STPG2: variants seen among roughly 807,000 people sequenced by gnomAD.
STPG2 encodes sperm-tail PG-rich repeat-containing protein 2.
STPG2 carries 56 observed loss-of-function variants against 54.2 expected under a neutral mutation model. The observed-to-expected ratio is 1.03, with a 90% CI of 0.83 to 1.29. The LOEUF (loss-of-function observed/expected upper bound fraction) is 1.29, where lower values mean the gene tolerates loss of function less well. Among genes scored for constraint, STPG2 ranks in the 50% most tolerant of loss-of-function variants. The pLI is 0.00. For missense variants in STPG2, 596 were observed against 544.9 expected, an observed-to-expected ratio of 1.09 and a Z score of -0.93; for synonymous variants, 200 against 181.8, an observed-to-expected ratio of 1.10 and a Z score of -0.81.
chr4:97,737,874 C>A (rs1458185025), intron 9 of STPG2, among the ~76,000 whole-genome samples: 5 of 152,170 alleles, frequency 3.3e-5, no homozygotes, highest in Admixed American at 6.5e-5. Context: ...CACAAAGATA[C>A]TCCTTGCAAA....
At chr4:97,541,294 G>A (rs374524994) in intron 4 of STPG2, among the ~76,000 whole-genome samples, 2 of 152,040 alleles carry the variant, frequency 1.3e-5, no homozygotes, top group Admixed American at 6.5e-5. Flanking sequence ...AAATCAATGT[G>A]CAAAAATCAC....
chr4:97,904,415 A>G (rs979377101), intron 8 of STPG2, among the ~76,000 whole-genome samples: 2 of 152,206 alleles, frequency 1.3e-5, no homozygotes, highest in African/African-American at 4.8e-5. Context: ...AAGGAAAACT[A>G]ACAAACAGAA....
At chr4:97,585,437 C>T (rs918745745) in intron 10 of STPG2, among the ~76,000 whole-genome samples, 2 of 151,882 alleles carry the variant, frequency 1.3e-5, no homozygotes, top group African/African-American at 4.8e-5. Flanking sequence ...AAAATCTAAC[C>T]ACAACAAGAA....
chr4:98,084,184 A>G (rs933375999), intron 5 of STPG2, among the ~76,000 whole-genome samples: 3 of 152,174 alleles, frequency 2.0e-5, no homozygotes, highest in African/African-American at 7.2e-5. Flanking sequence ...AGAATTTTAT[A>G]TGAATGAAAT....
intron 4 of STPG2, among the ~76,000 whole-genome samples, chr4:97,483,932 C>G (rs1730288358): frequency 6.6e-6 from 1 of 151,764 alleles, no homozygotes; most frequent in Non-Finnish European, 1.5e-5. Flanking sequence ...ACTTCAAAAC[C>G]ATGCAAATAC....
intron 5 of STPG2, among the ~76,000 whole-genome samples, chr4:98,090,650 A>G (rs1418808206): frequency 6.6e-6 from 1 of 152,022 alleles, no homozygotes; most frequent in African/African-American, 2.4e-5. Flanking sequence ...TTTGCGCAAC[A>G]TGGTTATTTT....
intron 7 of STPG2, among the ~76,000 whole-genome samples, chr4:97,952,832 T>C (rs1299481981): frequency 6.6e-6 from 1 of 152,062 alleles, no homozygotes; most frequent in East Asian, 1.9e-4. Flanking sequence ...ATACAGACAA[T>C]AGTGATAGCA....
At chr4:97,635,614 C>G (rs1721487688) in intron 10 of STPG2, among the ~76,000 whole-genome samples, 1 of 152,070 alleles carries the variant, frequency 6.6e-6, no homozygotes, top group South Asian at 2.1e-4. Flanking sequence ...TGCAGAGACA[C>G]ATATAGGCTC....
chr4:97,452,947 G>A (rs1729415200), intron 4 of STPG2, among the ~76,000 whole-genome samples: 1 of 152,182 alleles, frequency 6.6e-6, no homozygotes, highest in South Asian at 2.1e-4. Context: ...TCTTCCACTT[G>A]TCTGTGTACC....
At chr4:97,488,828 G>A (rs1730434060) in intron 4 of STPG2, among the ~76,000 whole-genome samples, 1 of 151,708 alleles carries the variant, frequency 6.6e-6, no homozygotes, top group Non-Finnish European at 1.5e-5. Context: ...TGATGGTCAA[G>A]ATAACATGGT....
intron 9 of STPG2, among the ~76,000 whole-genome samples, chr4:97,807,453 C>A (rs1315130676): frequency 6.6e-6 from 1 of 151,858 alleles, no homozygotes; most frequent in Non-Finnish European, 1.5e-5. Context: ...CCCAGTTGAA[C>A]AGACTGCCCC....
intron 5 of STPG2, among the ~76,000 whole-genome samples, chr4:98,102,720 T>C (rs1442968498): frequency 2.0e-5 from 3 of 151,704 alleles, no homozygotes; most frequent in Non-Finnish European, 4.4e-5. Context: ...ATCTTTTCAA[T>C]CGACCATCTG....
At chr4:98,009,861 T>C (rs1735689514) in intron 5 of STPG2, among the ~76,000 whole-genome samples, 2 of 152,082 alleles carry the variant, frequency 1.3e-5, no homozygotes, top group African/African-American at 2.4e-5. Flanking sequence ...CAGGAATTTA[T>C]CCATTTCTTC....
At chr4:97,579,903 G>T (rs1374372996) in intron 10 of STPG2, among the ~76,000 whole-genome samples, 1 of 151,788 alleles carries the variant, frequency 6.6e-6, no homozygotes, top group East Asian at 1.9e-4. Flanking sequence ...TATACATATA[G>T]CCATCAAAAT....
chr4:97,690,426 G>A (rs1009332804), intron 10 of STPG2, among the ~76,000 whole-genome samples: 4 of 151,920 alleles, frequency 2.6e-5, no homozygotes, highest in African/African-American at 9.7e-5. Flanking sequence ...AAATCTATAC[G>A]GGCAAATCAA....
chr4:97,491,548 G>T (rs1359165855), intron 4 of STPG2, among the ~76,000 whole-genome samples: 1 of 151,488 alleles, frequency 6.6e-6, no homozygotes, highest in Non-Finnish European at 1.5e-5. Context: ...TAAAGCATCA[G>T]CTGAATCTCT....
At chr4:97,940,304 G>T (rs553495431) in intron 8 of STPG2, among the ~76,000 whole-genome samples, 3 of 152,232 alleles carry the variant, frequency 2.0e-5, no homozygotes, top group African/African-American at 7.2e-5. Context: ...GTAGCATCTT[G>T]CAGAAGTTAT....
chr4:97,708,749 A>G (rs181734975), intron 10 of STPG2, among the ~76,000 whole-genome samples: 4 of 151,844 alleles, frequency 2.6e-5, no homozygotes, highest in Admixed American at 2.6e-4. Context: ...AATTACATAT[A>G]TGTTAATGCA....
At chr4:98,119,474 T>C (rs984622161) in intron 3 of STPG2, among the ~76,000 whole-genome samples, 3 of 152,094 alleles carry the variant, frequency 2.0e-5, no homozygotes, top group Non-Finnish European at 2.9e-5. Context: ...ACATGTAATA[T>C]CAGACTGAAC....
Sources: gnomAD v4.1 joint callset for allele counts (sites outside exome capture counted in the v4.1 genomes callset) on GRCh38, gnomAD v4.1.1 for gene constraint, MANE v1.5 for transcripts, NCBI Gene and HGNC (gene_info 2026-07-23, HGNC 2026-07-21) for gene names.